The following MORN2 variants were observed in gnomAD, a reference collection of about 807,000 sequenced individuals.
MORN2 encodes the protein MORN repeat-containing protein 2.
MORN2 carries 15 observed loss-of-function variants against 13.4 expected under a neutral mutation model. The observed-to-expected ratio is 1.12, with a 90% CI of 0.75 to 1.72. MORN2 has a LOEUF of 1.72. Among genes scored for constraint, MORN2 ranks in the 40% most tolerant of loss-of-function variants. The pLI is 0.00. For synonymous variants in MORN2, 46 were observed against 43.6 expected (o/e 1.06, Z -0.22); for missense variants, 168 against 134.6 (o/e 1.25, Z -1.23).
At position 38,882,449 on chromosome 2, in the gene MORN2, A is replaced by C; in HGVS notation, c.390A>C (p.Gly130=). 1.9e-6 allele frequency: 3 copies of C among 1,550,960 alleles called. No individual in the cohort carries two copies. Among genetic ancestry groups the C allele is most frequent in the Non-Finnish European group, 2.6e-6 (3 of 1,146,522 alleles). The change falls in exon 5 of 5, where the codon GGA becomes GGC. Residue 130 remains glycine (G), a synonymous_variant. Transcript: ENST00000644631. ...AAGGGGAATATACTGATATCCAAGG[A>C]CTAGAATGGAGTGGTAACTTTCATT... is the stretch of plus-strand genomic sequence containing the variant.
intron 1 of MORN2, among the ~76,000 whole-genome samples, chr2:38,878,022 C>T (rs777453509): frequency 1.4e-4 from 22 of 152,122 alleles, no homozygotes; most frequent in Non-Finnish European, 2.6e-4. Flanking sequence ...TCTCGAACTC[C>T]TAGGCTCAAG....
intron 4 of MORN2, among the ~76,000 whole-genome samples, 185 bp from the exon 5 acceptor site, chr2:38,882,228 T>G (rs1156623238): frequency 4.0e-4 from 60 of 151,438 alleles, no homozygotes; most frequent in Middle Eastern, 3.4e-3. Context: ...TGGTTTTTTT[T>G]TTTTTTTTTT....
intron 1 of MORN2, among the ~76,000 whole-genome samples, chr2:38,879,893 A>G (rs955016649): frequency 6.6e-6 from 1 of 152,250 alleles, no homozygotes; most frequent in Non-Finnish European, 1.5e-5. Flanking sequence ...GGGACCCTAC[A>G]TTAGACAATG....
In MORN2 at chr2:38,882,525, T is replaced by A. The variant is rs1463624109; in HGVS notation, c.*10T>A. On this transcript the variant is annotated 3_prime_UTR_variant, in exon 5 of 5. Coordinates refer to ENST00000644631, the MANE Select transcript of MORN2 (RefSeq NM_001145450.3). ...AAAGCTTCACATGTAGATGTGATGTTAAATTAAAGTTGAAATGTAGTAATT... is the reference window on the plus strand; with the variant it reads ...AAAGCTTCACATGTAGATGTGATGTAAAATTAAAGTTGAAATGTAGTAATT... The A allele has an allele frequency of 3.6e-5, 55 of 1,534,174 alleles. No homozygotes were observed. The highest frequency in any genetic ancestry group is 3.9e-5 in the Non-Finnish European group (44 of 1,133,016).
chr2:38,880,858 G>C (rs1665758957), intron 3 of MORN2, among the ~76,000 whole-genome samples, 152 bp downstream of exon 3: 1 of 152,134 alleles, frequency 6.6e-6, no homozygotes, highest in Non-Finnish European at 1.5e-5. Flanking sequence ...TAACTTATGA[G>C]TAATATTAAA....
chr2:38,882,220 G>GTT (rs772520161), intron 4 of MORN2, among the ~76,000 whole-genome samples, 193 bp from the exon 5 acceptor site: 45 of 107,672 alleles, frequency 4.2e-4, no homozygotes, highest in African/African-American at 9.7e-4. Context: ...ATAGTATGTG[G>GTT]TTTTTTTTTT....
chr2:38,877,679 C>G (rs1421728749), intron 1 of MORN2, among the ~76,000 whole-genome samples: 1 of 152,106 alleles, frequency 6.6e-6, no homozygotes, highest in African/African-American at 2.4e-5. Context: ...TGGAATCTCA[C>G]TATGTTGCCC....
Position 38,882,427 on chromosome 2 carries a change from G to C in MORN2, c.368G>C (p.Gly123Ala). ...TACTATTGCAGGGTGGAAGGTGAAG[G>C]GGAATATACTGATATCCAAGGACTA... is the stretch of plus-strand genomic sequence containing the variant. The change falls in exon 5 of 5, where the codon GGG (glycine) becomes GCG (alanine). Residue 123 changes from glycine (G) to alanine (A), a missense_variant. By Grantham distance (60) the Gly-to-Ala change is moderately conservative. Coordinates refer to ENST00000644631, the MANE Select transcript of MORN2 (RefSeq NM_001145450.3). 1 of 1,547,682 alleles carries C rather than the reference G, an allele frequency of 6.5e-7. No homozygotes were observed. Among genetic ancestry groups the C allele is most frequent in the East Asian group, 2.5e-5 (1 of 40,760 alleles).
chr2:38,878,174 G>A (rs1665699128), intron 1 of MORN2, among the ~76,000 whole-genome samples: 1 of 152,096 alleles, frequency 6.6e-6, no homozygotes, highest in Non-Finnish European at 1.5e-5. Flanking sequence ...AAATAATTTT[G>A]TCTCGGAATT....
At position 38,880,540 on chromosome 2, in the gene MORN2, C is replaced by A. The variant is rs575475307; in HGVS notation, c.110-60C>A. ...CAAAGAAACCCATGAGGTGTAGTTGCGATTAGGCCCAGACATAACTATTCT... is the reference window on the plus strand; with the variant it reads ...CAAAGAAACCCATGAGGTGTAGTTGAGATTAGGCCCAGACATAACTATTCT... On this transcript the variant is annotated intron_variant, in intron 2 of 4. Transcript: ENST00000644631. 2.0e-5 allele frequency: 23 copies of A among 1,128,840 alleles called. No individual in the cohort carries two copies. The East Asian group carries it at 5.1e-4, about 25-fold the overall frequency. 69.9% of individuals were successfully genotyped at this position (1,128,840 alleles called of 1,614,324 possible). A position where few individuals can be genotyped will look rare whatever the true frequency, so the allele number is the denominator to read the frequency against.
At chr2:38,877,666 A>G (rs1665679764) in intron 1 of MORN2, among the ~76,000 whole-genome samples, 1 of 151,992 alleles carries the variant, frequency 6.6e-6, no homozygotes, top group Admixed American at 6.6e-5. Flanking sequence ...ATTTTGGTGT[A>G]GATGGAATCT....
At chr2:38,881,310 A>G (rs575698943) in intron 3 of MORN2, 132 bp from the exon 4 acceptor site, 11 of 732,766 alleles carry the variant, frequency 1.5e-5, no homozygotes, top group Admixed American at 7.3e-5. Context: ...TCTTTATACT[A>G]TGGAAATAAA....
Position 38,881,434 on chromosome 2 carries a change from A to G in MORN2, c.217-8A>G. On this transcript the variant is annotated splice_polypyrimidine_tract_variant and splice_region_variant and intron_variant, in intron 3 of 4. Coordinates refer to ENST00000644631, the MANE Select transcript of MORN2 (RefSeq NM_001145450.3). ...AGTTTCTAAGGTAATTTCCTTTGTT[A>G]CAAACAGATGAATGGTTTTGGAAGA... is the stretch of plus-strand genomic sequence containing the variant. 1 of 1,531,028 alleles carries G rather than the reference A, an allele frequency of 6.5e-7. No homozygotes were observed. Among genetic ancestry groups the G allele is most frequent in the Non-Finnish European group, 8.8e-7 (1 of 1,141,438 alleles). 94.8% of individuals were successfully genotyped at this position (1,531,028 alleles called of 1,614,324 possible).
At chr2:38,877,322 AAAAG>A (rs910542972) in intron 1 of MORN2, among the ~76,000 whole-genome samples, 23 of 151,998 alleles carry the variant, frequency 1.5e-4, no homozygotes, top group African/African-American at 3.9e-4. Flanking sequence ...TAAAAAATAA[AAAAG>A]AAAGAAAGTA....
chr2:38,882,026 C>T (rs539882901), intron 4 of MORN2, among the ~76,000 whole-genome samples: 2 of 152,262 alleles, frequency 1.3e-5, no homozygotes, highest in East Asian at 3.9e-4. Context: ...AGGCCAGGTG[C>T]GGTGGCACAG....
chr2:38,881,336 G>C, intron 3 of MORN2, 106 bp from the exon 4 acceptor site: 1 of 941,526 alleles, frequency 1.1e-6, no homozygotes, highest in South Asian at 1.7e-5. Flanking sequence ...ATACAAAGTT[G>C]GTTAAGTAAT....
chr2:38,877,176 G>C (rs546058609), intron 1 of MORN2, among the ~76,000 whole-genome samples: 9 of 152,304 alleles, frequency 5.9e-5, no homozygotes, highest in Admixed American at 2.0e-4. Context: ...TGAGGCAGGA[G>C]AATGGCGTGA....
Position 38,882,429 on chromosome 2 carries a change from G to C in MORN2, c.370G>C (p.Glu124Gln). The change falls in exon 5 of 5, where the codon GAA becomes CAA. Residue 124 changes from glutamate to glutamine, a missense_variant. By Grantham distance (29) the Glu-to-Gln change is conservative. Coordinates refer to ENST00000644631, the MANE Select transcript of MORN2 (RefSeq NM_001145450.3). Reference sequence around the variant, plus strand: ...CTATTGCAGGGTGGAAGGTGAAGGGGAATATACTGATATCCAAGGACTAGA... The same window carrying C: ...CTATTGCAGGGTGGAAGGTGAAGGGCAATATACTGATATCCAAGGACTAGA... 1 of 1,549,468 alleles carries C rather than the reference G, an allele frequency of 6.5e-7. No individual in the cohort carries two copies. The highest frequency in any genetic ancestry group is 8.7e-7 in the Non-Finnish European group (1 of 1,145,296).
Position 38,882,605 on chromosome 2 carries a change from A to G in MORN2, c.*90A>G. On this transcript the variant is annotated 3_prime_UTR_variant, in exon 5 of 5. Coordinates refer to ENST00000644631, the MANE Select transcript of MORN2 (RefSeq NM_001145450.3). The stretch of plus-strand genomic sequence containing the variant: ...AATCTGTTATTTGAAATGACTTCAT[A>G]CACTACCCCTATAAGTTTGCCAATA... The G allele has an allele frequency of 2.3e-6, 2 of 868,174 alleles. No homozygotes were observed. The highest frequency in any genetic ancestry group is 5.4e-5 in the East Asian group (2 of 37,014). The allele number at this position is 868,174 out of a possible 1,614,324, so 53.8% of individuals were successfully genotyped here.
Sources: gnomAD v4.1 joint callset for allele counts (sites outside exome capture counted in the v4.1 genomes callset) on GRCh38, gnomAD v4.1.1 for gene constraint, MANE v1.5 for transcripts, NCBI Gene and HGNC (gene_info 2026-07-23, HGNC 2026-07-21) for gene names.